The following MSRA variants were observed in gnomAD, a reference collection of about 807,000 sequenced individuals.
MSRA encodes mitochondrial peptide methionine sulfoxide reductase.
In MSRA, 54 loss-of-function variants were observed where a neutral mutation model predicts 31.3. That is an observed-to-expected ratio of 1.73 (90% CI 1.39 to 2.17). MSRA has a LOEUF of 2.17. Among genes scored for constraint, MSRA ranks in the 30% most tolerant of loss-of-function variants. The pLI, the probability that MSRA is intolerant of heterozygous loss-of-function variation, is 0.00. For synonymous variants in MSRA, 169 were observed against 116.5 expected (o/e 1.45, Z -2.90); for missense variants, 507 against 300.9 (o/e 1.69, Z -5.07).
chr8:10,179,523 T>C (rs1255773144), intron 1 of MSRA, among the ~76,000 whole-genome samples: 1 of 152,144 alleles, frequency 6.6e-6, no homozygotes, highest in Non-Finnish European at 1.5e-5. Flanking sequence ...CTTGGAATGG[T>C]GTATATATTT....
At chr8:10,185,737 A>G (rs771414226) in intron 1 of MSRA, among the ~76,000 whole-genome samples, 13 of 152,102 alleles carry the variant, frequency 8.5e-5, no homozygotes, top group Non-Finnish European at 1.9e-4. Flanking sequence ...GCCTGAACTG[A>G]CCATTCACTC....
At chr8:10,146,027 T>C (rs1803109875) in intron 1 of MSRA, among the ~76,000 whole-genome samples, 1 of 152,224 alleles carries the variant, frequency 6.6e-6, no homozygotes, top group East Asian at 1.9e-4. Context: ...TTGGAGTATA[T>C]ACTTTCAGTA....
At chr8:10,301,900 G>C (rs1233174318) in intron 4 of MSRA, among the ~76,000 whole-genome samples, 4 of 152,138 alleles carry the variant, frequency 2.6e-5, no homozygotes, top group African/African-American at 7.2e-5. Flanking sequence ...CCAGACAATA[G>C]CGATCCGTTC....
intron 4 of MSRA, among the ~76,000 whole-genome samples, chr8:10,313,141 G>T (rs914844656): frequency 2.0e-5 from 3 of 152,190 alleles, no homozygotes; most frequent in Non-Finnish European, 4.4e-5. Flanking sequence ...CTGGCCAGTG[G>T]AATGAGGAAG....
intron 1 of MSRA, among the ~76,000 whole-genome samples, chr8:10,107,461 A>T (rs957845300): frequency 6.6e-6 from 1 of 152,106 alleles, no homozygotes; most frequent in African/African-American, 2.4e-5. Flanking sequence ...GTGCCTAGCA[A>T]AGAGGTCCAT....
chr8:10,394,620 G>T (rs1401540014), intron 5 of MSRA, among the ~76,000 whole-genome samples: 1 of 152,208 alleles, frequency 6.6e-6, no homozygotes, highest in Non-Finnish European at 1.5e-5. Flanking sequence ...AACAGCTGTG[G>T]AACTTACCTG....
intron 5 of MSRA, among the ~76,000 whole-genome samples, chr8:10,327,856 C>T (rs1802453010): frequency 6.6e-6 from 1 of 151,992 alleles, no homozygotes; most frequent in African/African-American, 2.4e-5. Context: ...TGGCGTGAAC[C>T]TGGGAGGCGG....
chr8:10,241,001 G>A (rs1205687348), intron 2 of MSRA, among the ~76,000 whole-genome samples: 4 of 152,092 alleles, frequency 2.6e-5, no homozygotes, highest in Non-Finnish European at 4.4e-5. Flanking sequence ...CTCTGGTCCT[G>A]CTTGTGCATG....
chr8:10,215,708 T>C (rs1273494903), intron 2 of MSRA, among the ~76,000 whole-genome samples: 2 of 152,234 alleles, frequency 1.3e-5, no homozygotes, highest in African/African-American at 4.8e-5. Context: ...AGACTGGTTG[T>C]TTGCTTCTGT....
chr8:10,373,211 C>T (rs530416578), intron 5 of MSRA, among the ~76,000 whole-genome samples: 4 of 152,186 alleles, frequency 2.6e-5, no homozygotes, highest in African/African-American at 9.7e-5. Context: ...TATTTACCAG[C>T]GAAATCTTGT....
intron 2 of MSRA, among the ~76,000 whole-genome samples, chr8:10,223,440 C>A (rs1810703036): frequency 6.6e-6 from 1 of 152,234 alleles, no homozygotes. Context: ...TTGCGTCTAT[C>A]TCTTAACTCT....
At position 10,249,314 on chromosome 8, in the gene MSRA, T is replaced by A. The variant is rs1020911178; in HGVS notation, c.331+4091T>A. 2.0e-5 allele frequency among the ~76,000 whole-genome samples: 3 copies of A among 152,174 alleles called. No individual in the cohort carries two copies. The South Asian group carries it at 6.2e-4, about 32-fold the overall frequency. ...TATATATCTCAGTCTATTGTGAGTT[T>A]AGTCTGCACAGGTCATTCTCTCCAA... On this transcript the variant is annotated intron_variant, in intron 3 of 5. Transcript: ENST00000317173.
chr8:10,282,776 G>C (rs1393504183), intron 3 of MSRA, among the ~76,000 whole-genome samples: 1 of 152,120 alleles, frequency 6.6e-6, no homozygotes, highest in Non-Finnish European at 1.5e-5. Flanking sequence ...ACTCTTATCA[G>C]TGCACCTTCT....
intron 1 of MSRA, among the ~76,000 whole-genome samples, chr8:10,084,935 G>C (rs529491334): frequency 6.6e-6 from 1 of 152,094 alleles, no homozygotes; most frequent in Admixed American, 6.5e-5. Context: ...TATTTTTTCA[G>C]ATGAAGCTGG....
intron 2 of MSRA, among the ~76,000 whole-genome samples, chr8:10,222,979 G>A (rs2129068557): frequency 6.6e-6 from 1 of 152,292 alleles, no homozygotes; most frequent in East Asian, 1.9e-4. Flanking sequence ...CCACATAACA[G>A]TGTTAAGTGT....
chr8:10,139,613 T>C (rs2129030278), intron 1 of MSRA, among the ~76,000 whole-genome samples: 1 of 152,356 alleles, frequency 6.6e-6, no homozygotes, highest in East Asian at 1.9e-4. Flanking sequence ...TGTGAGAACA[T>C]ACAGTCTTTG....
chr8:10,186,745 G>A (rs1807090860), intron 1 of MSRA, among the ~76,000 whole-genome samples: 1 of 152,164 alleles, frequency 6.6e-6, no homozygotes, highest in African/African-American at 2.4e-5. Context: ...GGCGGGGAGA[G>A]GTCACACCAA....
At chr8:10,365,460 A>C (rs1401547612) in intron 5 of MSRA, among the ~76,000 whole-genome samples, 1 of 152,248 alleles carries the variant, frequency 6.6e-6, no homozygotes, top group Non-Finnish European at 1.5e-5. Context: ...TCAGGTTTTA[A>C]AATTGACAAT....
chr8:10,082,986 A>G (rs932147353), intron 1 of MSRA, among the ~76,000 whole-genome samples: 1 of 152,236 alleles, frequency 6.6e-6, no homozygotes, highest in African/African-American at 2.4e-5. Context: ...GAAGCCAAAA[A>G]TAACACAGAT....
Sources: allele counts gnomAD v4.1 joint callset (sites outside exome capture counted in the v4.1 genomes callset), GRCh38; gene constraint gnomAD v4.1.1; transcripts MANE v1.5; gene names NCBI Gene and HGNC (gene_info 2026-07-23, HGNC 2026-07-21).